Variants in TTC27 observed in about 807,000 individuals in gnomAD.
The protein encoded by TTC27 is tetratricopeptide repeat domain 27.
A neutral mutation model predicts 115.9 loss-of-function variants in TTC27; 79 were observed. The ratio of observed to expected loss-of-function variants is 0.68; its 90% CI spans 0.57 to 0.82. TTC27 has a LOEUF of 0.82. TTC27 is among the 40% of genes least tolerant of loss of function. The pLI is 0.00. For synonymous variants in TTC27, 401 were observed against 356.0 expected (o/e 1.13, Z -1.42); for missense variants, 1,054 against 993.1 (o/e 1.06, Z -0.82).
chr2:32,777,472 A>G (rs1471074577), intron 13 of TTC27, among the ~76,000 whole-genome samples: 1 of 152,196 alleles, frequency 6.6e-6, no homozygotes, highest in Non-Finnish European at 1.5e-5. Context: ...TGCAAATGCT[A>G]TATAATTTGT....
rs1559178950 is a variant in TTC27, at chr2:32,633,998, T to A, written c.389T>A (p.Phe130Tyr). The A allele has an allele frequency of 6.2e-7, 1 of 1,613,092 alleles. No homozygotes were observed. The highest frequency in any genetic ancestry group is 8.5e-7 in the Non-Finnish European group (1 of 1,179,506). Residue 130 changes from phenylalanine to tyrosine, a missense_variant, in exon 3 of 20, where the codon TTC (phenylalanine) becomes TAC (tyrosine). Phe to Tyr is a conservative substitution (Grantham distance 22). Transcript: ENST00000317907. ...DFLSSVLFQQ[F>Y]SEVKGLDAFV... ...TTGTCATCTGTTTTGTTCCAGCAAT[T>A]CAGTGAGGTATGCTTCTTGAAAATG...
At chr2:32,644,993 G>A (rs1169118485) in intron 4 of TTC27, among the ~76,000 whole-genome samples, 2 of 150,812 alleles carry the variant, frequency 1.3e-5, no homozygotes, top group Non-Finnish European at 3.0e-5. Context: ...TAGGCACCTG[G>A]CTTATATCTT....
At chr2:32,760,392 A>G (rs879297164) in intron 13 of TTC27, among the ~76,000 whole-genome samples, 1 of 152,112 alleles carries the variant, frequency 6.6e-6, no homozygotes, top group Non-Finnish European at 1.5e-5. Flanking sequence ...TCACGTAGTC[A>G]TTTTTGGTTT....
chr2:32,694,783 C>T (rs2151896709), intron 9 of TTC27, among the ~76,000 whole-genome samples: 1 of 151,702 alleles, frequency 6.6e-6, no homozygotes, highest in Non-Finnish European at 1.5e-5. Flanking sequence ...AGCGATCTTC[C>T]TGCCTCAGCC....
chr2:32,794,223 T>C (rs1216823503), intron 16 of TTC27, among the ~76,000 whole-genome samples: 1 of 152,164 alleles, frequency 6.6e-6, no homozygotes, highest in African/African-American at 2.4e-5. Context: ...TCTCAGTAGA[T>C]TCAAAAAGAT....
intron 12 of TTC27, among the ~76,000 whole-genome samples, chr2:32,740,276 T>A (rs1014849286): frequency 6.6e-6 from 1 of 152,238 alleles, no homozygotes; most frequent in African/African-American, 2.4e-5. Context: ...TTTCTCTTGT[T>A]TCAAGGAAGC....
At chr2:32,767,741 G>T (rs3862981) in intron 13 of TTC27, among the ~76,000 whole-genome samples, 1 of 151,946 alleles carries the variant, frequency 6.6e-6, no homozygotes, top group African/African-American at 2.4e-5. Flanking sequence ...GATTACAGGC[G>T]TGAGCCACCG....
chr2:32,655,615 G>A (rs1665286859), intron 5 of TTC27, among the ~76,000 whole-genome samples: 1 of 152,046 alleles, frequency 6.6e-6, no homozygotes, highest in Admixed American at 6.6e-5. Flanking sequence ...TCATACCAAT[G>A]GTGGACTCTT....
At chr2:32,712,443 T>C (rs1228715197) in intron 10 of TTC27, among the ~76,000 whole-genome samples, 1 of 152,216 alleles carries the variant, frequency 6.6e-6, no homozygotes, top group Non-Finnish European at 1.5e-5. Flanking sequence ...TAAAATAAGA[T>C]TATATTCTTC....
intron 13 of TTC27, among the ~76,000 whole-genome samples, chr2:32,775,824 T>C (rs6543676): frequency 0.091 from 13,922 of 152,228 alleles, 748 homozygotes; most frequent in Middle Eastern, 0.23. Context: ...CACTTTAACA[T>C]TGATGAAATA....
chr2:32,698,941 A>G (rs746475102), intron 9 of TTC27, among the ~76,000 whole-genome samples: 1 of 152,184 alleles, frequency 6.6e-6, no homozygotes, highest in Non-Finnish European at 1.5e-5. Flanking sequence ...CCTTGGGAGC[A>G]TATGTTCCCA....
intron 13 of TTC27, among the ~76,000 whole-genome samples, chr2:32,771,248 C>G (rs898477170): frequency 3.3e-5 from 5 of 152,190 alleles, no homozygotes; most frequent in Non-Finnish European, 4.4e-5. Flanking sequence ...AGGTGTCTAA[C>G]ATATTTCCTG....
At chr2:32,735,757 T>A (rs1395577316) in intron 11 of TTC27, among the ~76,000 whole-genome samples, 2 of 152,146 alleles carry the variant, frequency 1.3e-5, no homozygotes, top group Admixed American at 1.3e-4. Context: ...CCAAGATTTA[T>A]TCCAGCTCTC....
chr2:32,730,117 A>G lies in TTC27; in HGVS notation c.1234-3711A>G, dbSNP rs545933683. ...TTCAGTCCCATTCTCACAGTACCTG[A>G]CATTCTTCCATTGTCTTCTTCCAGG... On this transcript the variant is annotated intron_variant, in intron 10 of 19. Coordinates refer to ENST00000317907, the MANE Select transcript of TTC27 (RefSeq NM_017735.5). 1.9e-4 allele frequency among the ~76,000 whole-genome samples: 29 copies of G among 152,302 alleles called. No homozygotes were observed. In the South Asian group the frequency reaches 4.6e-3, roughly 24 times the overall value.
intron 12 of TTC27, among the ~76,000 whole-genome samples, chr2:32,740,247 G>C (rs75481950): frequency 1.6e-3 from 249 of 152,284 alleles, no homozygotes; most frequent in African/African-American, 5.1e-3. Flanking sequence ...GGATAGATAA[G>C]GGTTGGGACC....
At chr2:32,677,754 A>C (rs1235436957) in intron 8 of TTC27, among the ~76,000 whole-genome samples, 2 of 152,136 alleles carry the variant, frequency 1.3e-5, no homozygotes, top group East Asian at 3.8e-4. Context: ...TGCCCGGCCC[A>C]AATTGTTTTC....
chr2:32,766,438 T>G, intron 13 of TTC27: 3 of 421,462 alleles, frequency 7.1e-6, no homozygotes, highest in South Asian at 3.7e-5. Flanking sequence ...GGGTTATTAA[T>G]TGTCTAATTT....
At position 32,763,387 on chromosome 2, in the gene TTC27, C is replaced by G. The variant is rs1197023490; in HGVS notation, c.1680+4868C>G. Among the ~76,000 whole-genome samples the G allele has an allele frequency of 2.0e-5, 3 of 152,120 alleles. No homozygotes were observed. The East Asian group carries it at 5.8e-4, about 29-fold the overall frequency. On this transcript the variant is annotated intron_variant, in intron 13 of 19. Transcript: ENST00000317907. ...ATGGAATTTAAAAAAATTCTATCCT[C>G]TTTTTTAGACATATCCAAAGAATTA...
In TTC27 at chr2:32,723,697, TCCC is replaced by T. The variant is rs1167442156; in HGVS notation, c.1234-10130_1234-10128del. 4.1e-3 allele frequency among the ~76,000 whole-genome samples: 158 copies of T among 38,622 alleles called. 18 individuals are homozygous for T. The highest frequency in any genetic ancestry group is 7.9e-3 in the African/African-American group (74 of 9,330). 25.3% of individuals were successfully genotyped at this position (38,622 alleles called of 152,430 possible). A position where few individuals can be genotyped will look rare whatever the true frequency, so the allele number is the denominator to read the frequency against. On this transcript the variant is annotated intron_variant, in intron 10 of 19. Transcript: ENST00000317907. ...ATTATTGTTAGACTCAGCTCCTTCC[TCCC>T]TCCCTCCCTCCCTCCCTCCCTCCCT...
Sources: allele counts gnomAD v4.1 joint callset (sites outside exome capture counted in the v4.1 genomes callset), GRCh38; gene constraint gnomAD v4.1.1; transcripts MANE v1.5; gene names NCBI Gene and HGNC (gene_info 2026-07-23, HGNC 2026-07-21).